CFLAR: variants seen among roughly 807,000 people sequenced by gnomAD.
CFLAR encodes the protein CASP8 and FADD like apoptosis regulator.
CFLAR carries 14 observed loss-of-function variants against 51.1 expected under a neutral mutation model. That is an observed-to-expected ratio of 0.27 (90% CI 0.18 to 0.43). The LOEUF is 0.43. CFLAR is among the 20% of genes least tolerant of loss of function. The pLI is 1.00. For synonymous variants in CFLAR, 210 were observed against 211.6 expected, an observed-to-expected ratio of 0.99 and a Z score of 0.06; for missense variants, 390 against 566.5, an observed-to-expected ratio of 0.69 and a Z score of 3.16.
At chr2:201,149,548 A>T in intron 7 of CFLAR, 1 of 407,866 alleles carries the variant, frequency 2.5e-6, no homozygotes, top group Non-Finnish European at 4.4e-6. Context: ...TAAAAATGAA[A>T]ATAATTTGTC....
chr2:201,136,480 G>A (rs1447256095), intron 4 of CFLAR: 1 of 1,593,280 alleles, frequency 6.3e-7, no homozygotes, highest in Non-Finnish European at 8.5e-7. Flanking sequence ...CCAACTTCGG[G>A]TGATGTCACT....
chr2:201,176,311 C>T lies in CFLAR; in HGVS notation c.*12338C>T, dbSNP rs1412411924. On this transcript the variant is annotated 3_prime_UTR_variant, in exon 10 of 10. Coordinates refer to ENST00000309955, the MANE Select transcript of CFLAR (RefSeq NM_003879.7). Reference sequence around the variant, plus strand: ...GGGGGCGGGCGGGGGAGCTGCCTGTCCCTGGCACCACCTGTGACCAATTAT... The same window carrying T: ...GGGGGCGGGCGGGGGAGCTGCCTGTTCCTGGCACCACCTGTGACCAATTAT... 1 of 148,594 alleles carries T rather than the reference C, an allele frequency of 6.7e-6. No homozygotes were observed. Among genetic ancestry groups the T allele is most frequent in the Non-Finnish European group, 1.5e-5 (1 of 67,634 alleles). 9.2% of individuals were successfully genotyped at this position (148,594 alleles called of 1,614,324 possible).
intron 3 of CFLAR, among the ~76,000 whole-genome samples, chr2:201,134,806 C>T (rs1429635107): frequency 6.6e-6 from 1 of 151,948 alleles, no homozygotes; most frequent in Non-Finnish European, 1.5e-5. Flanking sequence ...TCAAAATAGG[C>T]AGGCCAGTGC....
In CFLAR at chr2:201,133,047, T is replaced by C. The variant is rs1223499555; in HGVS notation, c.300T>C (p.Ile100=). The C allele has an allele frequency of 2.1e-5, 33 of 1,607,448 alleles. No homozygotes were observed. The highest frequency in any genetic ancestry group is 2.8e-5 in the Non-Finnish European group (33 of 1,173,896). Residue 100 remains isoleucine (I), a synonymous_variant, in exon 3 of 10, where the codon ATT becomes ATC. Coordinates refer to ENST00000309955, the MANE Select transcript of CFLAR (RefSeq NM_003879.7). ...VSDYRVLMAE[I]GEDLDKSDVS... ...TTTGCAGAGTGCTGATGGCAGAGAT[T>C]GGTGAGGATTTGGATAAATCTGATG... is the stretch of plus-strand genomic sequence containing the variant.
At chr2:201,161,188 A>C (rs1034819111) in intron 9 of CFLAR, among the ~76,000 whole-genome samples, 3 of 152,180 alleles carry the variant, frequency 2.0e-5, no homozygotes, top group South Asian at 4.1e-4. Context: ...CCTGGGCAAC[A>C]AAGTGAGAAC....
rs4991112 is a variant in CFLAR at position 201,140,774 on chromosome 2, T to C, written c.606+335T>C. The C allele has an allele frequency of 2.2e-3, 358 of 162,046 alleles. 1 individual carries two copies. Among genetic ancestry groups the C allele is most frequent in the African/African-American group, 7.6e-3 (315 of 41,480 alleles). 10.0% of individuals were successfully genotyped at this position (162,046 alleles called of 1,614,324 possible). ...CTGTATGTATGTATATATATATATA[T>C]ATACATACATACATACATACAGTTG... On this transcript the variant is annotated intron_variant, in intron 5 of 9. Transcript: ENST00000309955.
At chr2:201,122,950 T>C (rs1484581385) in intron 1 of CFLAR, among the ~76,000 whole-genome samples, 2 of 152,228 alleles carry the variant, frequency 1.3e-5, no homozygotes, top group African/African-American at 2.4e-5. Flanking sequence ...GCACAATTTC[T>C]GATTTTGAAC....
intron 8 of CFLAR, among the ~76,000 whole-genome samples, chr2:201,158,852 C>CATTATTATTATT (rs61427822): frequency 5.9e-4 from 83 of 139,610 alleles, no homozygotes; most frequent in East Asian, 2.6e-3. Flanking sequence ...TTGCCCTCAT[C>CATTATTATTATT]ATTATTATTA....
rs1008004734 is a variant in CFLAR, at chr2:201,157,140, T to C, written c.794-3292T>C. Among the ~76,000 whole-genome samples, 5 of 152,326 alleles carry C rather than the reference T, an allele frequency of 3.3e-5. No individual in the cohort carries two copies. The East Asian group carries it at 9.6e-4, about 29-fold the overall frequency. On this transcript the variant is annotated intron_variant, in intron 8 of 9. Transcript: ENST00000309955. ...GCAAAGCATCTTTACAGAAATCTCA[T>C]TGGATCCTCACGGTCACCTTTTTTC...
Position 201,124,333 on chromosome 2 carries a change from T to C in CFLAR, c.-137-5396T>C, listed in dbSNP as rs1298590131. Among the ~76,000 whole-genome samples, 1 of 152,120 alleles carries C rather than the reference T, an allele frequency of 6.6e-6. No individual in the cohort carries two copies. Among genetic ancestry groups the C allele is most frequent in the African/African-American group, 2.4e-5 (1 of 41,412 alleles). Reference sequence around the variant, plus strand: ...GTGCTTCAATAGAGGTGTTTTGTTTTGTTTTGTTTTGTTTTTCGAGACGGA... The same window carrying C: ...GTGCTTCAATAGAGGTGTTTTGTTTCGTTTTGTTTTGTTTTTCGAGACGGA... On this transcript the variant is annotated intron_variant, in intron 1 of 9. Coordinates refer to ENST00000309955, the MANE Select transcript of CFLAR (RefSeq NM_003879.7). The surrounding 1 kb of genome is among the most constrained non-coding windows in gnomAD (Gnocchi z 4.7).
At position 201,167,373 on chromosome 2, in the gene CFLAR, C is replaced by T. The variant is rs149132094; in HGVS notation, c.*3400C>T. ...GACAAAATTTAGCTGAGCGTGGTGG[C>T]GTGTTCCTGTAGTCCCAGCTACTTG... On this transcript the variant is annotated 3_prime_UTR_variant, in exon 10 of 10. Transcript: ENST00000309955. The T allele has an allele frequency of 2.2e-4, 33 of 152,542 alleles. 1 individual carries two copies. In the South Asian group the frequency reaches 3.1e-3, roughly 14 times the overall value. 9.4% of individuals were successfully genotyped at this position (152,542 alleles called of 1,614,324 possible). A position where few individuals can be genotyped will look rare whatever the true frequency, so the allele number is the denominator to read the frequency against.
chr2:201,141,417 G>A (rs866743181), intron 5 of CFLAR: 1 of 1,557,996 alleles, frequency 6.4e-7, no homozygotes, highest in East Asian at 2.3e-5. Flanking sequence ...AAAATTCTTG[G>A]AAATTGTTCC....
intron 8 of CFLAR, chr2:201,153,341 ATTAT>A (rs1941596207): frequency 1.3e-5 from 2 of 152,274 alleles, no homozygotes. Flanking sequence ...GAGAACATTA[ATTAT>A]TAAGAAGTGG....
intron 6 of CFLAR, among the ~76,000 whole-genome samples, chr2:201,148,050 CTTTGTTTG>C (rs201300106): frequency 6.6e-6 from 1 of 151,826 alleles, no homozygotes; most frequent in Non-Finnish European, 1.5e-5. Flanking sequence ...TGTGGCTTTT[CTTTGTTTG>C]TTTGTTTGTT....
At chr2:201,131,368 T>A (rs1041110445) in intron 2 of CFLAR, among the ~76,000 whole-genome samples, 6 of 152,078 alleles carry the variant, frequency 3.9e-5, no homozygotes, top group Admixed American at 3.3e-4. Context: ...CCTGAGTAGC[T>A]GGGATTACAG....
intron 6 of CFLAR, among the ~76,000 whole-genome samples, chr2:201,147,065 A>G (rs1940333103): frequency 6.6e-6 from 1 of 152,240 alleles, no homozygotes; most frequent in African/African-American, 2.4e-5. Context: ...GTAGATTTGC[A>G]TAGGAATTAA....
Position 201,124,106 on chromosome 2 carries a change from T to C in CFLAR, c.-137-5623T>C, listed in dbSNP as rs532933102. On this transcript the variant is annotated intron_variant, in intron 1 of 9. Coordinates refer to ENST00000309955, the MANE Select transcript of CFLAR (RefSeq NM_003879.7). The surrounding 1 kb of genome is among the most constrained non-coding windows in gnomAD (Gnocchi z 4.7). ...TAGAGAAGCAGTAGAAAGAAGGGAATGTTAAGTACGTCTTTGGATGGCTTA... is the reference window on the plus strand; with the variant it reads ...TAGAGAAGCAGTAGAAAGAAGGGAACGTTAAGTACGTCTTTGGATGGCTTA... Among the ~76,000 whole-genome samples, 2 of 152,226 alleles carry C rather than the reference T, an allele frequency of 1.3e-5. No homozygotes were observed. The highest frequency in any genetic ancestry group is 2.9e-5 in the Non-Finnish European group (2 of 68,044).
At chr2:201,130,839 T>C (rs1041074318) in intron 2 of CFLAR, among the ~76,000 whole-genome samples, 2 of 152,150 alleles carry the variant, frequency 1.3e-5, no homozygotes, top group African/African-American at 4.8e-5. Flanking sequence ...ACTAGTTCAT[T>C]TTCTGTGAAG....
chr2:201,150,793 A>G (rs1226576845), intron 8 of CFLAR, among the ~76,000 whole-genome samples: 2 of 152,212 alleles, frequency 1.3e-5, no homozygotes, highest in African/African-American at 2.4e-5. Flanking sequence ...ATGTGGCTCC[A>G]TCTAACTGTA....
Sources: gnomAD v4.1 joint callset for allele counts (sites outside exome capture counted in the v4.1 genomes callset) on GRCh38, gnomAD v4.1.1 for gene constraint, Gnocchi (gnomAD v3.1) non-coding constraint, MANE v1.5 for transcripts, NCBI Gene and HGNC (gene_info 2026-07-23, HGNC 2026-07-21) for gene names.